PCDHA11: variants seen among roughly 807,000 people sequenced by gnomAD.
The protein encoded by PCDHA11 is protocadherin alpha 11, also known as protocadherin alpha-11.
In PCDHA11, 61 loss-of-function variants were observed where a neutral mutation model predicts 70.3. The observed-to-expected ratio is 0.87, with a 90% CI of 0.71 to 1.07. The LOEUF is 1.07. Among genes scored for constraint, PCDHA11 ranks in the 50% least tolerant of loss-of-function variants. The pLI, the probability that PCDHA11 is intolerant of heterozygous loss-of-function variation, is 0.00. For missense variants in PCDHA11, 1,324 were observed against 1,237.5 expected, an observed-to-expected ratio of 1.07 and a Z score of -1.05; for synonymous variants, 633 against 555.1, an observed-to-expected ratio of 1.14 and a Z score of -1.97.
chr5:140,964,585 T>C (rs1275209289), intron 1 of PCDHA11, among the ~76,000 whole-genome samples: 1 of 151,992 alleles, frequency 6.6e-6, no homozygotes, highest in Non-Finnish European at 1.5e-5. Flanking sequence ...GGAGGAAAGA[T>C]CACTTTTCAT....
chr5:140,903,884 A>C (rs1466107424), intron 1 of PCDHA11, among the ~76,000 whole-genome samples: 1 of 152,214 alleles, frequency 6.6e-6, no homozygotes, highest in Non-Finnish European at 1.5e-5. Context: ...AAGACATTGA[A>C]TCTTGACCTG....
At chr5:140,985,067 A>C (rs2153836144) in intron 3 of PCDHA11, among the ~76,000 whole-genome samples, 1 of 152,116 alleles carries the variant, frequency 6.6e-6, no homozygotes, top group East Asian at 1.9e-4. Flanking sequence ...CCTCCTGAGT[A>C]GCTGAGACTA....
intron 1 of PCDHA11, among the ~76,000 whole-genome samples, chr5:140,933,690 T>A (rs1382967033): frequency 1.3e-5 from 2 of 152,048 alleles, no homozygotes; most frequent in Non-Finnish European, 2.9e-5. Flanking sequence ...TTTTTCCTAT[T>A]CCTCGGACAC....
At chr5:140,960,762 A>G (rs1164322988) in intron 1 of PCDHA11, among the ~76,000 whole-genome samples, 5 of 152,214 alleles carry the variant, frequency 3.3e-5, no homozygotes, top group Non-Finnish European at 7.3e-5. Flanking sequence ...CCCAAGAGTT[A>G]CAGAGGAGAA....
chr5:140,919,706 C>T (rs2079272649), intron 1 of PCDHA11, among the ~76,000 whole-genome samples: 1 of 152,048 alleles, frequency 6.6e-6, no homozygotes, highest in African/African-American at 2.4e-5. Flanking sequence ...TAACTTAATT[C>T]TAGTGAGATA....
intron 1 of PCDHA11, chr5:140,875,600 C>T: frequency 6.2e-7 from 1 of 1,613,884 alleles, no homozygotes; most frequent in Non-Finnish European, 8.5e-7. Context: ...AAACACGGCA[C>T]CTTCGTGGGC....
intron 3 of PCDHA11, among the ~76,000 whole-genome samples, chr5:140,995,339 G>A (rs782776966): frequency 1.3e-4 from 20 of 152,026 alleles, no homozygotes; most frequent in Non-Finnish European, 7.4e-5. Context: ...TAGTGTAGAC[G>A]GCATGGATAG....
At chr5:140,969,865 C>T (rs982289120) in intron 1 of PCDHA11, among the ~76,000 whole-genome samples, 1 of 152,204 alleles carries the variant, frequency 6.6e-6, no homozygotes. Flanking sequence ...GGTACTTGCA[C>T]TGAACCTATG....
At chr5:140,878,855 T>C (rs905851216) in intron 1 of PCDHA11, among the ~76,000 whole-genome samples, 3 of 152,250 alleles carry the variant, frequency 2.0e-5, no homozygotes, top group Admixed American at 6.5e-5. Context: ...TGGGTTCAAC[T>C]GATCCTCCAT....
chr5:140,910,281 A>G (rs1198162778), intron 1 of PCDHA11, among the ~76,000 whole-genome samples: 4 of 151,152 alleles, frequency 2.6e-5, no homozygotes, highest in East Asian at 2.0e-4. Context: ...TAGGAACACC[A>G]TGATTAATCA....
intron 1 of PCDHA11, chr5:140,876,844 C>T (rs200154646): frequency 1.2e-6 from 2 of 1,614,016 alleles, no homozygotes; most frequent in East Asian, 2.2e-5. Context: ...GTTCGCGCAG[C>T]CCGAGTACAC....
At chr5:140,962,428 C>G (rs1359949802) in intron 1 of PCDHA11, among the ~76,000 whole-genome samples, 1 of 152,136 alleles carries the variant, frequency 6.6e-6, no homozygotes, top group Non-Finnish European at 1.5e-5. Flanking sequence ...TTTATTGTTA[C>G]TTATCCAAAG....
At position 140,970,818 on chromosome 5, in the gene PCDHA11, G is replaced by A. The variant is rs77234853; in HGVS notation, c.2392-8131G>A. Among the ~76,000 whole-genome samples, 569 of 152,084 alleles carry A rather than the reference G, an allele frequency of 3.7e-3. 1 individual carries two copies. The highest frequency in any genetic ancestry group is 5.8e-3 in the South Asian group (28 of 4,824). On this transcript the variant is annotated intron_variant, in intron 1 of 3. Coordinates refer to ENST00000398640, the MANE Select transcript of PCDHA11 (RefSeq NM_018902.5). ...CATATTGTTACATTTCAAGTTCATGGTAATCTTGAGGAATGTAATGCACAG... is the reference window on the plus strand; with the variant it reads ...CATATTGTTACATTTCAAGTTCATGATAATCTTGAGGAATGTAATGCACAG...
intron 1 of PCDHA11, among the ~76,000 whole-genome samples, chr5:140,875,095 G>A (rs2055270565): frequency 6.6e-6 from 1 of 152,156 alleles, no homozygotes; most frequent in Non-Finnish European, 1.5e-5. Context: ...AATTGTTGAT[G>A]TTTTGTTACT....
At chr5:140,967,138 G>A in intron 1 of PCDHA11, 1 of 1,611,568 alleles carries the variant, frequency 6.2e-7, no homozygotes, top group Middle Eastern at 1.7e-4. Flanking sequence ...TGGAAGTGCT[G>A]GCGCACAACC....
In PCDHA11 at chr5:140,912,343, A is replaced by T. The variant is rs547543923; in HGVS notation, c.2391+40849A>T. Among the ~76,000 whole-genome samples, 324 of 143,902 alleles carry T rather than the reference A, an allele frequency of 2.3e-3. 1 individual carries two copies. The highest frequency in any genetic ancestry group is 7.8e-3 in the African/African-American group (308 of 39,358). 94.4% of individuals were successfully genotyped at this position (143,902 alleles called of 152,430 possible). A position where few individuals can be genotyped will look rare whatever the true frequency, so the allele number is the denominator to read the frequency against. On this transcript the variant is annotated intron_variant, in intron 1 of 3. Transcript: ENST00000398640. ...CTCAGTATTAACCAGTACACTAAGT[A>T]TTTTTTTTTTTTTTTGCAGCTGTTG... is the stretch of plus-strand genomic sequence containing the variant.
intron 1 of PCDHA11, chr5:140,877,889 GT>G: frequency 6.9e-7 from 1 of 1,458,120 alleles, no homozygotes; most frequent in Non-Finnish European, 9.0e-7. Context: ...AAGAACTTCC[GT>G]TTAGGTTATA....
intron 1 of PCDHA11, chr5:140,966,750 C>T: frequency 7.0e-7 from 1 of 1,428,438 alleles, no homozygotes; most frequent in African/African-American, 1.5e-5. Context: ...CGGCTGCCTC[C>T]GCCGCGGCCA....
At chr5:141,000,030 C>T (rs1261016075) in intron 3 of PCDHA11, among the ~76,000 whole-genome samples, 3 of 152,058 alleles carry the variant, frequency 2.0e-5, no homozygotes, top group African/African-American at 7.2e-5. Flanking sequence ...GCCTGACATC[C>T]AATCACACAC....
Sources: allele counts gnomAD v4.1 joint callset (sites outside exome capture counted in the v4.1 genomes callset), GRCh38; gene constraint gnomAD v4.1.1; transcripts MANE v1.5; gene names NCBI Gene and HGNC (gene_info 2026-07-23, HGNC 2026-07-21).